The following SUGCT variants were observed in gnomAD, a reference collection of about 807,000 sequenced individuals.
SUGCT encodes the protein succinyl-CoA:glutarate CoA-transferase.
Under a neutral mutation model 55.0 loss-of-function variants are expected in SUGCT, and 41 were observed. That is an observed-to-expected ratio of 0.74 (90% CI 0.58 to 0.97). The LOEUF (loss-of-function observed/expected upper bound fraction) is 0.97. Ranked by LOEUF, SUGCT falls within the 50% of genes least tolerant of loss-of-function variation. The pLI, the probability that SUGCT is intolerant of heterozygous loss-of-function variation, is 0.00. For missense variants in SUGCT, 568 were observed against 547.8 expected (o/e 1.04, Z -0.37); for synonymous variants, 187 against 200.4 (o/e 0.93, Z 0.56).
At chr7:40,289,615 C>T (rs1793595948) in intron 8 of SUGCT, among the ~76,000 whole-genome samples, 1 of 152,130 alleles carries the variant, frequency 6.6e-6, no homozygotes, top group Non-Finnish European at 1.5e-5. Flanking sequence ...TGCCCTCTCC[C>T]ACCACTCCTA....
chr7:40,411,321 CA>C (rs1786675180), intron 9 of SUGCT, among the ~76,000 whole-genome samples: 2 of 152,136 alleles, frequency 1.3e-5, no homozygotes, highest in Non-Finnish European at 2.9e-5. Flanking sequence ...TGAGCCTGGG[CA>C]GCGGAGGCTG....
the SUGCT span, chr7:40,979,741 G>A: frequency 1.3e-5 from 2 of 152,182 alleles, no homozygotes; most frequent in African/African-American, 4.8e-5. Flanking sequence ...CTGAAATCAA[G>A]TCACTTTTTT....
chr7:40,987,211 G>T, the SUGCT span, among the ~76,000 whole-genome samples: 1 of 152,058 alleles, frequency 6.6e-6, no homozygotes, highest in African/African-American at 2.4e-5. Context: ...GTCTGAGGGC[G>T]ATGCCACTCC....
chr7:40,214,403 C>T lies in SUGCT; in HGVS notation c.484+19343C>T, dbSNP rs138904298. Among the ~76,000 whole-genome samples the T allele has an allele frequency of 3.6e-3, 541 of 152,232 alleles. 4 individuals carry two copies. The highest frequency in any genetic ancestry group is 0.012 in the African/African-American group (506 of 41,520). On this transcript the variant is annotated intron_variant, in intron 6 of 13. Transcript: ENST00000335693. Reference sequence around the variant, plus strand: ...TTTATAATATATTACATAATATTTACAGCAGCCCCATGGGGTAGCTTCAAT... The same window carrying T: ...TTTATAATATATTACATAATATTTATAGCAGCCCCATGGGGTAGCTTCAAT...
chr7:40,242,649 T>A (rs935931680), intron 7 of SUGCT, among the ~76,000 whole-genome samples: 1 of 151,896 alleles, frequency 6.6e-6, no homozygotes, highest in African/African-American at 2.4e-5. Context: ...TGCTTCTGCA[T>A]GCTGCTTGAT....
chr7:40,706,052 G>A (rs1785382969), intron 12 of SUGCT, among the ~76,000 whole-genome samples: 1 of 152,166 alleles, frequency 6.6e-6, no homozygotes, highest in Non-Finnish European at 1.5e-5. Context: ...ATATGGCCTA[G>A]GAAGGGCTCA....
intron 13 of SUGCT, among the ~76,000 whole-genome samples, chr7:40,764,617 C>G (rs1157609624): frequency 6.6e-6 from 1 of 152,044 alleles, no homozygotes; most frequent in Non-Finnish European, 1.5e-5. Context: ...ATTCTGGAAT[C>G]AATTCAAGAG....
chr7:40,425,211 C>G (rs564596295), intron 9 of SUGCT, among the ~76,000 whole-genome samples: 6 of 152,158 alleles, frequency 3.9e-5, no homozygotes, highest in African/African-American at 1.4e-4. Context: ...TGTTTCTTAC[C>G]TTATAAAATG....
chr7:40,272,974 T>C (rs934022418), intron 7 of SUGCT, among the ~76,000 whole-genome samples: 1 of 152,118 alleles, frequency 6.6e-6, no homozygotes, highest in Non-Finnish European at 1.5e-5. Flanking sequence ...GTGTAACTTT[T>C]ATTGAAAAAA....
Position 40,603,872 on chromosome 7 carries a change from C to T in SUGCT, c.1089+107486C>T, listed in dbSNP as rs189312963. 2.6e-5 allele frequency among the ~76,000 whole-genome samples: 4 copies of T among 152,318 alleles called. No individual in the cohort carries two copies. In the East Asian group the frequency reaches 7.7e-4, roughly 29 times the overall value. ...ATGATCTTCCCAACATGCAAATCTG[C>T]TCATGTCATTCCCCTGTTTAAAATT... On this transcript the variant is annotated intron_variant, in intron 12 of 13. Coordinates refer to ENST00000335693, the MANE Select transcript of SUGCT (RefSeq NM_001193313.2).
At chr7:40,365,867 C>T (rs541802175) in intron 9 of SUGCT, among the ~76,000 whole-genome samples, 2 of 152,236 alleles carry the variant, frequency 1.3e-5, no homozygotes, top group South Asian at 4.1e-4. Context: ...CAATGCCATC[C>T]CCATCAAGCT....
chr7:40,772,554 C>CTATA (rs1031737941), intron 13 of SUGCT, among the ~76,000 whole-genome samples: 10 of 138,076 alleles, frequency 7.2e-5, no homozygotes, highest in African/African-American at 2.4e-4. Context: ...ATCTATCTAT[C>CTATA]TATCTATCTG....
At chr7:40,371,337 T>G (rs887496970) in intron 9 of SUGCT, among the ~76,000 whole-genome samples, 3 of 152,168 alleles carry the variant, frequency 2.0e-5, no homozygotes, top group Admixed American at 1.3e-4. Flanking sequence ...GTTTGTTTGA[T>G]TTGTCATTTT....
intron 12 of SUGCT, among the ~76,000 whole-genome samples, chr7:40,511,723 T>G (rs1792942976): frequency 6.6e-6 from 1 of 152,152 alleles, no homozygotes. Flanking sequence ...GAGCCTTGAA[T>G]TTTTAAAAAA....
At chr7:40,869,558 G>T in the SUGCT span, among the ~76,000 whole-genome samples, 15 of 152,296 alleles carry the variant, frequency 9.8e-5, no homozygotes, top group Admixed American at 3.9e-4. Context: ...GATATACCAT[G>T]CTTGAATTCT....
In SUGCT at chr7:40,173,516, C is replaced by T. The variant is rs1466385423; in HGVS notation, c.101-7431C>T. Among the ~76,000 whole-genome samples the T allele has an allele frequency of 3.3e-5, 5 of 152,190 alleles. 1 individual carries two copies. Among genetic ancestry groups the T allele is most frequent in the Admixed American group, 6.5e-5 (1 of 15,292 alleles). On this transcript the variant is annotated intron_variant, in intron 1 of 13. Transcript: ENST00000335693. ...GGACCCAAAGGGGGTTGCCCACTCC[C>T]GGCTCAAATGCCTGGGGTTTATATC...
At chr7:40,306,860 A>G (rs1297001590) in intron 8 of SUGCT, among the ~76,000 whole-genome samples, 1 of 152,164 alleles carries the variant, frequency 6.6e-6, no homozygotes, top group Non-Finnish European at 1.5e-5. Flanking sequence ...TATTCTCAAC[A>G]TGCTTTTGAA....
At chr7:40,321,284 C>T (rs1562678031) in intron 9 of SUGCT, among the ~76,000 whole-genome samples, 2 of 152,080 alleles carry the variant, frequency 1.3e-5, no homozygotes, top group Non-Finnish European at 2.9e-5. Flanking sequence ...GCCATGCTGG[C>T]CAGGCTGGTC....
intron 12 of SUGCT, among the ~76,000 whole-genome samples, chr7:40,570,850 CTTTTT>C (rs776733346): frequency 1.3e-3 from 66 of 52,298 alleles, no homozygotes; most frequent in African/African-American, 4.9e-3. Flanking sequence ...GCTTTAGGCT[CTTTTT>C]TTTTTTTTTT....
Sources: allele counts gnomAD v4.1 joint callset (sites outside exome capture counted in the v4.1 genomes callset), GRCh38; gene constraint gnomAD v4.1.1; transcripts MANE v1.5; gene names NCBI Gene and HGNC (gene_info 2026-07-23, HGNC 2026-07-21).